MYL6B: variants seen among roughly 807,000 people sequenced by gnomAD.
MYL6B encodes myosin light chain 6B.
In MYL6B, 19 loss-of-function variants were observed where a neutral mutation model predicts 24.5. The observed-to-expected ratio is 0.78, with a 90% CI of 0.54 to 1.14. The LOEUF (loss-of-function observed/expected upper bound fraction) is 1.14, where lower values mean the gene tolerates loss of function less well. Among genes scored for constraint, MYL6B ranks in the 50% most tolerant of loss-of-function variants. MYL6B has a pLI of 0.00. For synonymous variants in MYL6B, 90 were observed against 100.7 expected (o/e 0.89, Z 0.64); for missense variants, 230 against 263.8 (o/e 0.87, Z 0.89).
In MYL6B at chr12:56,157,467, G is replaced by C; in HGVS notation, c.521-1G>C. The C allele has an allele frequency of 6.2e-7, 1 of 1,614,062 alleles. No homozygotes were observed. The highest frequency in any genetic ancestry group is 8.5e-7 in the Non-Finnish European group (1 of 1,179,974). ...CCTCAGACGTTGTGTCTGGGATTCAGGAGAGAAGATGACTGAGGAGGAGGT... is the reference window on the plus strand; with the variant it reads ...CCTCAGACGTTGTGTCTGGGATTCACGAGAGAAGATGACTGAGGAGGAGGT... On this transcript the variant is annotated splice_acceptor_variant, in intron 5 of 6. Transcript: ENST00000553066. LOFTEE classifies it high-confidence loss of function.
chr12:56,155,085 G>A (rs776081646), exon 4 of MYL6B: 15 of 1,613,782 alleles, frequency 9.3e-6, no homozygotes, highest in Middle Eastern at 1.7e-4. Context: ...CTGTTTGACC[G>A]AGTGGGGGAT....
chr12:56,157,807 A>T, exon 7 of MYL6B: 1 of 1,551,134 alleles, frequency 6.4e-7, no homozygotes, highest in Non-Finnish European at 8.8e-7. Flanking sequence ...CAACATAGAA[A>T]AGCAGCGGAG....
chr12:56,157,623 C>G lies in MYL6B; in HGVS notation c.599-75C>G, dbSNP rs1871384359. The stretch of plus-strand genomic sequence containing the variant: ...TCTTGCCGCGTGTGGGCGGGGGCAC[C>G]CCTGGATTACCTAGAGTCAGATGTA... On this transcript the variant is annotated intron_variant, in intron 6 of 6. Transcript: ENST00000553066. 5.0e-6 allele frequency: 8 copies of G among 1,612,860 alleles called. No homozygotes were observed. The South Asian group carries it at 8.8e-5, about 18-fold the overall frequency.
At chr12:56,155,252 T>A in intron 4 of MYL6B, 54 bp downstream of exon 4, 1 of 1,559,468 alleles carries the variant, frequency 6.4e-7, no homozygotes, top group Non-Finnish European at 8.7e-7. Flanking sequence ...AGTTGGATGT[T>A]GGTAACAAAA....
At position 56,155,137 on chromosome 12, in the gene MYL6B, C is replaced by A. The variant is rs112084821; in HGVS notation, c.285C>A (p.Ala95=). Residue 95 remains alanine (A), a synonymous_variant, in exon 4 of 7, where the codon GCC becomes GCA. Coordinates refer to ENST00000553066, the Ensembl canonical transcript of MYL6B. ...GCCAGTGTGGGGACGTGATGAGGGCCCTGGGCCAGAACCCCACCAACGCCG... is the reference window on the plus strand; with the variant it reads ...GCCAGTGTGGGGACGTGATGAGGGCACTGGGCCAGAACCCCACCAACGCCG... 353 of 1,614,068 alleles carry A rather than the reference C, an allele frequency of 2.2e-4. No homozygotes were observed. The African/African-American group carries it at 4.2e-3, about 19-fold the overall frequency.
intron 5 of MYL6B, chr12:56,155,944 G>A: frequency 8.4e-7 from 1 of 1,193,952 alleles, no homozygotes. Context: ...AAAGCAAGAG[G>A]CATCCATGAC....
At chr12:56,157,386 T>A in intron 5 of MYL6B, 82 bp from the exon 6 acceptor site, 1 of 1,352,694 alleles carries the variant, frequency 7.4e-7, no homozygotes, top group Non-Finnish European at 1.0e-6. Context: ...CGAAACTCCG[T>A]CTCAAAAAAA....
chr12:56,155,518 G>A (rs748992310), exon 5 of MYL6B: 6 of 1,613,920 alleles, frequency 3.7e-6, no homozygotes, highest in Middle Eastern at 1.6e-4. Context: ...TACTTGGAGG[G>A]GTTTCGTGTG....
chr12:56,155,127 T>C (rs766765879), exon 4 of MYL6B: 3 of 1,613,896 alleles, frequency 1.9e-6, no homozygotes, highest in African/African-American at 1.3e-5. Flanking sequence ...TGTGGGGACG[T>C]GATGAGGGCC....
chr12:56,157,641 C>G (rs1871385211), intron 6 of MYL6B, 57 bp from the exon 7 acceptor site: 2 of 1,613,264 alleles, frequency 1.2e-6, no homozygotes, highest in Non-Finnish European at 1.7e-6. Context: ...TACCTAGAGT[C>G]AGATGTATTA....
chr12:56,157,427 G>A, intron 5 of MYL6B, 41 bp from the exon 6 acceptor site: 2 of 1,588,732 alleles, frequency 1.3e-6, no homozygotes, highest in South Asian at 1.1e-5. Context: ...GGTGAGTGAA[G>A]GAGGGAAAGG....
intron 5 of MYL6B, chr12:56,155,925 G>T: frequency 9.9e-6 from 12 of 1,212,402 alleles, no homozygotes; most frequent in Non-Finnish European, 1.3e-5. Context: ...CAGTACTAGG[G>T]TGAAATGGAA....
chr12:56,153,859 G>C lies in MYL6B; in HGVS notation c.-46-14G>C, dbSNP rs1245577278. 9 of 1,513,086 alleles carry C rather than the reference G, an allele frequency of 5.9e-6. No homozygotes were observed. The African/African-American group carries it at 1.3e-4, about 21-fold the overall frequency. 93.7% of individuals were successfully genotyped at this position (1,513,086 alleles called of 1,614,324 possible). A position where few individuals can be genotyped will look rare whatever the true frequency, so the allele number is the denominator to read the frequency against. On this transcript the variant is annotated splice_polypyrimidine_tract_variant and intron_variant, in intron 1 of 6. Coordinates refer to ENST00000553066, the Ensembl canonical transcript of MYL6B. ...CGCCCCTTGACATCCCAGACTCCCTGGCTATTTAAACAGAGATGGGTGCCC... is the reference window on the plus strand; with the variant it reads ...CGCCCCTTGACATCCCAGACTCCCTCGCTATTTAAACAGAGATGGGTGCCC...
intron 6 of MYL6B, 74 bp downstream of exon 6, chr12:56,157,619 G>A: frequency 2.5e-6 from 4 of 1,612,732 alleles, no homozygotes; most frequent in Non-Finnish European, 3.4e-6. Context: ...GTGGGCGGGG[G>A]CACCCCTGGA....
chr12:56,157,604 C>T, intron 6 of MYL6B, 59 bp downstream of exon 6: 3 of 1,612,862 alleles, frequency 1.9e-6, no homozygotes, highest in South Asian at 2.2e-5. Context: ...GGCGTCTTGC[C>T]GCGTGTGGGC....
intron 3 of MYL6B, 103 bp from the exon 4 acceptor site, chr12:56,154,951 CT>C: frequency 6.4e-7 from 1 of 1,560,152 alleles, no homozygotes; most frequent in South Asian, 1.2e-5. Flanking sequence ...TACTAGTCCT[CT>C]TTTCCTCCCT....
intron 6 of MYL6B, 23 bp from the exon 7 acceptor site, chr12:56,157,675 C>T (rs1405480670): frequency 1.2e-6 from 2 of 1,613,216 alleles, no homozygotes. Context: ...TTCTGAAGCC[C>T]CTCTTGCCTC....
intron 6 of MYL6B, 65 bp downstream of exon 6, chr12:56,157,610 T>C: frequency 1.2e-6 from 2 of 1,613,176 alleles, no homozygotes; most frequent in Non-Finnish European, 1.7e-6. Flanking sequence ...TTGCCGCGTG[T>C]GGGCGGGGGC....
exon 2 of MYL6B, chr12:56,154,019 C>T (rs755588228): frequency 6.2e-7 from 1 of 1,614,026 alleles, no homozygotes; most frequent in African/African-American, 1.3e-5. Context: ...CCAGCCAAGA[C>T]CAAAGCTGAG....
Sources: gnomAD v4.1 joint callset for allele counts on GRCh38, gnomAD v4.1.1 for gene constraint, MANE v1.5 for transcripts, NCBI Gene and HGNC (gene_info 2026-07-23, HGNC 2026-07-21) for gene names.